Variants in VAMP7 observed in about 807,000 individuals in gnomAD.
The protein encoded by VAMP7 is vesicle-associated membrane protein 7.
Under a neutral mutation model 29.6 loss-of-function variants are expected in VAMP7, and 14 were observed. The ratio of observed to expected loss-of-function variants is 0.47; its 90% CI spans 0.31 to 0.74. The LOEUF is 0.74. Ranked by LOEUF, VAMP7 falls within the 30% of genes least tolerant of loss-of-function variation. VAMP7 has a pLI of 0.05. For synonymous variants in VAMP7, 95 were observed against 88.1 expected (o/e 1.08, Z -0.44); for missense variants, 223 against 262.4 (o/e 0.85, Z 1.04).
chrX:155,897,728 A>G (rs2066004949), intron 3 of VAMP7, among the ~76,000 whole-genome samples: 1 of 152,160 alleles, frequency 6.6e-6, no homozygotes, highest in Non-Finnish European at 1.5e-5. Context: ...TATGTGTGAA[A>G]GACTCTATGA....
intron 2 of VAMP7, among the ~76,000 whole-genome samples, chrX:155,894,125 C>T (rs1226657132): frequency 6.6e-6 from 1 of 152,124 alleles, no homozygotes; most frequent in Non-Finnish European, 1.5e-5. Flanking sequence ...ACCTGTCTCA[C>T]GCCAGTCACC....
At chrX:155,891,836 G>A (rs1242931397) in intron 2 of VAMP7, among the ~76,000 whole-genome samples, 1 of 152,180 alleles carries the variant, frequency 6.6e-6, no homozygotes, top group East Asian at 1.9e-4. Context: ...TCCTCTTGCT[G>A]CCAGCGTAGG....
chrX:155,921,870 G>A (rs1377433231), intron 6 of VAMP7, among the ~76,000 whole-genome samples: 1 of 152,032 alleles, frequency 6.6e-6, no homozygotes, highest in African/African-American at 2.4e-5. Context: ...GTATCTTTGT[G>A]ACTGCATTTA....
At chrX:155,936,762 G>A (rs192049520) in intron 6 of VAMP7, among the ~76,000 whole-genome samples, 7 of 152,292 alleles carry the variant, frequency 4.6e-5, no homozygotes, top group African/African-American at 7.2e-5. Flanking sequence ...GAAATCATCC[G>A]TCTTGTGCGT....
At chrX:155,908,939 C>T (rs1359214468) in intron 5 of VAMP7, among the ~76,000 whole-genome samples, 6 of 152,058 alleles carry the variant, frequency 3.9e-5, no homozygotes, top group African/African-American at 1.4e-4. Context: ...CCCACCTCAG[C>T]CTCCCAAGCA....
Position 155,897,532 on chromosome X carries a change from C to G in VAMP7, c.205-580C>G, listed in dbSNP as rs149468867. Among the ~76,000 whole-genome samples, 884 of 152,256 alleles carry G rather than the reference C, an allele frequency of 5.8e-3. 8 individuals are homozygous for G. Among genetic ancestry groups the G allele is most frequent in the African/African-American group, 0.019 (795 of 41,538 alleles). ...ATTTCTTGAGCTATAATTTGATACA[C>G]ACATATACATGTATACATAAACACA... On this transcript the variant is annotated intron_variant, in intron 3 of 7. Transcript: ENST00000286448.
At chrX:155,915,755 C>T (rs1313990909) in intron 5 of VAMP7, among the ~76,000 whole-genome samples, 1 of 152,010 alleles carries the variant, frequency 6.6e-6, no homozygotes, top group Admixed American at 6.6e-5. Flanking sequence ...CCATTTTTTG[C>T]ATTTGCTGAG....
chrX:155,942,888 C>G lies in VAMP7; in HGVS notation c.*937C>G, dbSNP rs1480649914. Reference sequence around the variant, plus strand: ...AAAGTGTTTCCATTCTGGGAAAAGCCCAAACCGAATACGGTCAGCAGTCAA... The same window carrying G: ...AAAGTGTTTCCATTCTGGGAAAAGCGCAAACCGAATACGGTCAGCAGTCAA... On this transcript the variant is annotated 3_prime_UTR_variant, in exon 8 of 8. Transcript: ENST00000286448. The G allele has an allele frequency of 1.3e-5, 2 of 151,780 alleles. No individual in the cohort carries two copies. Among genetic ancestry groups the G allele is most frequent in the African/African-American group, 4.8e-5 (2 of 41,296 alleles). 9.4% of individuals were successfully genotyped at this position (151,780 alleles called of 1,614,324 possible).
chrX:155,936,508 A>C (rs1453104180), intron 6 of VAMP7, among the ~76,000 whole-genome samples: 1 of 152,148 alleles, frequency 6.6e-6, no homozygotes, highest in African/African-American at 2.4e-5. Context: ...CAGGCGCGGG[A>C]TATAATCTCC....
intron 1 of VAMP7, among the ~76,000 whole-genome samples, chrX:155,883,705 A>ATCTT (rs1195224189): frequency 2.8e-5 from 4 of 144,728 alleles, no homozygotes; most frequent in Admixed American, 2.7e-4. Flanking sequence ...GTAGAAACAC[A>ATCTT]TCTTTTTTTT....
At chrX:155,887,000 T>C (rs1569430991) in intron 1 of VAMP7, among the ~76,000 whole-genome samples, 1 of 152,174 alleles carries the variant, frequency 6.6e-6, no homozygotes, top group Non-Finnish European at 1.5e-5. Context: ...CTGTTTCTCT[T>C]TGTGTTTTTG....
intron 5 of VAMP7, among the ~76,000 whole-genome samples, chrX:155,914,003 T>G (rs1050381434): frequency 1.3e-5 from 2 of 152,184 alleles, no homozygotes; most frequent in African/African-American, 4.8e-5. Flanking sequence ...GCATGGAATG[T>G]TTTTCCATTC....
chrX:155,884,339 C>G (rs1336696367), intron 1 of VAMP7, among the ~76,000 whole-genome samples: 1 of 152,008 alleles, frequency 6.6e-6, no homozygotes, highest in African/African-American at 2.4e-5. Context: ...GTTGGTCAGG[C>G]TGGTCTCGAA....
rs184949709 is a variant in VAMP7 at position 155,935,162 on chromosome X, C to G, written c.502-4539C>G. Among the ~76,000 whole-genome samples, 139 of 152,142 alleles carry G rather than the reference C, an allele frequency of 9.1e-4. 2 individuals are homozygous for G. Among genetic ancestry groups the G allele is most frequent in the South Asian group, 1.5e-3 (7 of 4,774 alleles). On this transcript the variant is annotated intron_variant, in intron 6 of 7. Coordinates refer to ENST00000286448, the MANE Select transcript of VAMP7 (RefSeq NM_005638.6). ...TTTCCTTCATTTCAACTTTGGTGAT[C>G]TGACAATTATGTGTCTCGGAGTTGC... is the stretch of plus-strand genomic sequence containing the variant.
At chrX:155,890,704 T>C (rs2065916667) in intron 2 of VAMP7, among the ~76,000 whole-genome samples, 1 of 152,174 alleles carries the variant, frequency 6.6e-6, no homozygotes, top group South Asian at 2.1e-4. Context: ...TGGTGGCTTA[T>C]TAGAGTGGCC....
chrX:155,901,157 T>G (rs1362884131), intron 5 of VAMP7, among the ~76,000 whole-genome samples: 1 of 152,076 alleles, frequency 6.6e-6, no homozygotes, highest in East Asian at 1.9e-4. Context: ...GTTATATTTT[T>G]GTGCCTATTA....
At chrX:155,916,922 G>T (rs2066321856) in intron 5 of VAMP7, among the ~76,000 whole-genome samples, 1 of 152,142 alleles carries the variant, frequency 6.6e-6, no homozygotes, top group Non-Finnish European at 1.5e-5. Context: ...GGTTGGGGAA[G>T]TTCTCCTGGT....
At chrX:155,892,187 T>A (rs1221933545) in intron 2 of VAMP7, among the ~76,000 whole-genome samples, 1 of 152,182 alleles carries the variant, frequency 6.6e-6, no homozygotes, top group Non-Finnish European at 1.5e-5. Context: ...GCTGTGTTAT[T>A]TCGAGCTTTG....
intron 1 of VAMP7, among the ~76,000 whole-genome samples, chrX:155,886,836 C>T (rs1336250121): frequency 3.9e-5 from 6 of 152,234 alleles, no homozygotes; most frequent in East Asian, 1.9e-4. Flanking sequence ...TATCGCATAC[C>T]GTTGGTTCAT....
Sources: allele counts gnomAD v4.1 joint callset (sites outside exome capture counted in the v4.1 genomes callset), GRCh38; gene constraint gnomAD v4.1.1; transcripts MANE v1.5; gene names NCBI Gene and HGNC (gene_info 2026-07-23, HGNC 2026-07-21).